ATE1: variants seen among roughly 807,000 people sequenced by gnomAD.
ATE1 encodes the protein arginyl-tRNA--protein transferase 1.
Under a neutral mutation model 70.5 loss-of-function variants are expected in ATE1, and 36 were observed. That is an observed-to-expected ratio of 0.51 (90% CI 0.39 to 0.67). ATE1 has a LOEUF of 0.67. Ranked by LOEUF, ATE1 falls within the 30% of genes least tolerant of loss-of-function variation. ATE1 has a pLI of 0.00. For missense variants in ATE1, 593 were observed against 629.5 expected, an observed-to-expected ratio of 0.94 and a Z score of 0.62; for synonymous variants, 232 against 219.3, an observed-to-expected ratio of 1.06 and a Z score of -0.51.
chr10:121,772,946 T>TA (rs1463324223), intron 11 of ATE1, among the ~76,000 whole-genome samples: 2 of 152,254 alleles, frequency 1.3e-5, no homozygotes, highest in Admixed American at 1.3e-4. Flanking sequence ...TCTGAGGTGT[T>TA]ACACAAAAAG....
At chr10:121,769,207 C>T (rs7068284) in intron 11 of ATE1, among the ~76,000 whole-genome samples, 126,235 of 152,060 alleles carry the variant, frequency 0.83, 52,757 homozygotes, top group Middle Eastern at 0.9. Context: ...CATATAAATA[C>T]ATGGAAGAGA....
chr10:121,766,669 C>T (rs1945291629), intron 11 of ATE1, among the ~76,000 whole-genome samples: 1 of 151,936 alleles, frequency 6.6e-6, no homozygotes, highest in African/African-American at 2.4e-5. Context: ...GCGGCCTACA[C>T]AAAAAGCAAA....
chr10:121,858,321 A>C (rs1463093134), intron 8 of ATE1, among the ~76,000 whole-genome samples: 1 of 152,134 alleles, frequency 6.6e-6, no homozygotes, highest in Non-Finnish European at 1.5e-5. Context: ...ATTTCTCTAC[A>C]ACCATGCCAA....
intron 11 of ATE1, among the ~76,000 whole-genome samples, chr10:121,752,959 G>A (rs183237924): frequency 2.0e-5 from 3 of 152,286 alleles, no homozygotes; most frequent in Non-Finnish European, 2.9e-5. Context: ...ACAATATTAA[G>A]TCTCCTGATC....
At chr10:121,847,373 G>A (rs1299309476) in intron 8 of ATE1, among the ~76,000 whole-genome samples, 13 of 152,012 alleles carry the variant, frequency 8.6e-5, no homozygotes, top group African/African-American at 2.2e-4. Flanking sequence ...GCTTGAACCC[G>A]GGAGGCGGAG....
chr10:121,928,006 G>T lies in ATE1; in HGVS notation c.-57C>A. On this transcript the variant is annotated 5_prime_UTR_variant, in exon 1 of 12. Coordinates refer to ENST00000224652, the MANE Select transcript of ATE1 (RefSeq NM_001001976.3). ...GCCCCGCGTCGCTAGCGCGGCCGCC[G>T]CCGCCACCCCACAATGCAGCGCGCC... The T allele has an allele frequency of 7.2e-7, 1 of 1,391,382 alleles. No homozygotes were observed. Among genetic ancestry groups the T allele is most frequent in the Non-Finnish European group, 9.4e-7 (1 of 1,069,468 alleles). The allele number at this position is 1,391,382 out of a possible 1,614,324, so 86.2% of individuals were successfully genotyped here.
At chr10:121,791,992 T>C (rs1026324083) in intron 10 of ATE1, among the ~76,000 whole-genome samples, 3 of 152,180 alleles carry the variant, frequency 2.0e-5, no homozygotes, top group African/African-American at 7.2e-5. Context: ...GAACACCACG[T>C]CCTATTAGCT....
At chr10:121,782,805 A>AGGCAGAAAATGTGACAAGAGAGACT (rs1316098380) in intron 11 of ATE1, 1 of 152,228 alleles carries the variant, frequency 6.6e-6, no homozygotes, top group Non-Finnish European at 1.5e-5. Flanking sequence ...GAATATAAGC[A>AGGCAGAAAATGTGACAAGAGAGACT]GGCAGAAAAT....
At chr10:121,876,421 T>C (rs1590599270) in intron 7 of ATE1, among the ~76,000 whole-genome samples, 1 of 152,242 alleles carries the variant, frequency 6.6e-6, no homozygotes, top group East Asian at 1.9e-4. Flanking sequence ...AGTTAGGTTA[T>C]TCACTAATAT....
chr10:121,826,264 T>C (rs1041403166), intron 10 of ATE1, among the ~76,000 whole-genome samples: 20 of 141,654 alleles, frequency 1.4e-4, no homozygotes, highest in African/African-American at 5.2e-4. Flanking sequence ...TAAAAGTGTT[T>C]AAGAGGGTAA....
chr10:121,859,326 G>A (rs1446648678), intron 8 of ATE1, among the ~76,000 whole-genome samples: 4 of 149,026 alleles, frequency 2.7e-5, no homozygotes, highest in Middle Eastern at 6.4e-3. Flanking sequence ...GCGGGATCTC[G>A]GCTCACTGCA....
At chr10:121,752,732 T>G (rs770871629) in intron 11 of ATE1, among the ~76,000 whole-genome samples, 2 of 152,224 alleles carry the variant, frequency 1.3e-5, no homozygotes, top group Non-Finnish European at 2.9e-5. Flanking sequence ...ATTTCTGGAC[T>G]CTCAACTCTA....
At chr10:121,921,708 A>G (rs1305928046) in intron 3 of ATE1, among the ~76,000 whole-genome samples, 1 of 152,114 alleles carries the variant, frequency 6.6e-6, no homozygotes, top group Non-Finnish European at 1.5e-5. Flanking sequence ...GTCATGTGCA[A>G]TCCTGAGTTT....
Position 121,877,182 on chromosome 10 carries a change from G to A in ATE1, c.943-7144C>T, listed in dbSNP as rs1262490565. ...ACAGGAAGATCATTTGCCATAGGAC[G>A]CTAATGACCTAAGGCCTATATGTTA... On this transcript the variant is annotated intron_variant, in intron 7 of 11. Transcript: ENST00000224652. 3.3e-5 allele frequency among the ~76,000 whole-genome samples: 5 copies of A among 152,152 alleles called. No homozygotes were observed. In the East Asian group the frequency reaches 7.7e-4, roughly 24 times the overall value.
chr10:121,916,593 T>C (rs939159009), intron 3 of ATE1, among the ~76,000 whole-genome samples: 9 of 152,074 alleles, frequency 5.9e-5, no homozygotes, highest in African/African-American at 2.2e-4. Context: ...CCCAACACTT[T>C]GGGAGGCTGA....
intron 10 of ATE1, among the ~76,000 whole-genome samples, chr10:121,802,314 C>CT (rs11354853): frequency 0.32 from 46,318 of 146,214 alleles, 7,435 homozygotes; most frequent in East Asian, 0.41. Context: ...GTCTACTCCA[C>CT]TTTTTTTTTT....
intron 3 of ATE1, 121 bp from the exon 4 acceptor site, chr10:121,914,014 G>T: frequency 1.5e-6 from 1 of 672,040 alleles, no homozygotes; most frequent in South Asian, 2.3e-5. Flanking sequence ...TTAAAGATGG[G>T]GCTTAATGTA....
chr10:121,797,439 C>T (rs778591020), intron 10 of ATE1, among the ~76,000 whole-genome samples: 2 of 152,124 alleles, frequency 1.3e-5, no homozygotes, highest in Non-Finnish European at 2.9e-5. Flanking sequence ...GATTCCAAAA[C>T]ATTTTCATCA....
At chr10:121,864,682 G>A (rs1205593493) in intron 8 of ATE1, among the ~76,000 whole-genome samples, 1 of 151,980 alleles carries the variant, frequency 6.6e-6, no homozygotes, top group East Asian at 1.9e-4. Context: ...ACTTTTTCTC[G>A]TCTTTTGTTG....
Sources: allele counts gnomAD v4.1 joint callset (sites outside exome capture counted in the v4.1 genomes callset), GRCh38; gene constraint gnomAD v4.1.1; transcripts MANE v1.5; gene names NCBI Gene and HGNC (gene_info 2026-07-23, HGNC 2026-07-21).